TULP4: variants seen among roughly 807,000 people sequenced by gnomAD.
TULP4 encodes TUB like protein 4.
TULP4 carries 16 observed loss-of-function variants against 129.0 expected under a neutral mutation model. The ratio of observed to expected loss-of-function variants is 0.12; its 90% CI spans 0.08 to 0.19. The LOEUF (loss-of-function observed/expected upper bound fraction) is 0.19. TULP4 is among the 10% of genes least tolerant of loss of function. TULP4 has a pLI of 1.00. For missense variants in TULP4, 1,842 were observed against 2,059.1 expected (o/e 0.89, Z 2.04); for synonymous variants, 998 against 854.0 (o/e 1.17, Z -2.94).
chr6:158,472,571 T>A (rs1472725436), intron 6 of TULP4, among the ~76,000 whole-genome samples: 2 of 152,212 alleles, frequency 1.3e-5, no homozygotes, highest in African/African-American at 4.8e-5. Flanking sequence ...TCACATGTGA[T>A]CTATGCTGTG....
intron 1 of TULP4, among the ~76,000 whole-genome samples, chr6:158,293,764 G>A (rs1423887809): frequency 1.3e-5 from 2 of 152,206 alleles, no homozygotes; most frequent in Non-Finnish European, 1.5e-5. Flanking sequence ...TATCTCACTA[G>A]CACGTTTTGA....
rs747790615 is a variant in TULP4 at position 158,502,145 on chromosome 6, G to T, written c.2482G>T (p.Val828Leu). 1.6e-5 allele frequency: 26 copies of T among 1,602,658 alleles called. No homozygotes were observed. In the South Asian group the frequency reaches 2.5e-4, roughly 15 times the overall value. Residue 828 changes from valine to leucine, a missense_variant, in exon 13 of 14, where the codon GTG becomes TTG. Physicochemically the swap from Val to Leu is conservative, Grantham distance 32 (BLOSUM62 1). Coordinates refer to ENST00000367097, the MANE Select transcript of TULP4 (RefSeq NM_020245.5). ...CTTTAGTGCCCCCCAGGAGGTCCAG[G>T]TGACGAAGATAAACCCTCCACCCCC... ...VVFSAPQEVQ[V>L]TKINPPPPYP...
intron 7 of TULP4, among the ~76,000 whole-genome samples, chr6:158,480,754 G>A (rs1779922692): frequency 1.3e-5 from 2 of 152,062 alleles, no homozygotes; most frequent in African/African-American, 4.8e-5. Flanking sequence ...CAACACCGGT[G>A]TATTATATAG....
At position 158,453,485 on chromosome 6, in the gene TULP4, CAAAAAAAA is replaced by C. The variant is rs869146924; in HGVS notation, c.859+1234_859+1241del. On this transcript the variant is annotated intron_variant, in intron 5 of 13. Transcript: ENST00000367097. ...GGTGACAGAGCGAGACTCTGTCTCACAAAAAAAAAAAAAAAAAAAAAAAAGCCGGGCAC... is the reference window on the plus strand; with the variant it reads ...GGTGACAGAGCGAGACTCTGTCTCACAAAAAAAAAAAAAAAAGCCGGGCAC... 1.1e-3 allele frequency among the ~76,000 whole-genome samples: 19 copies of C among 17,978 alleles called. 1 individual carries two copies. The South Asian group carries it at 0.052, about 49-fold the overall frequency. The allele number at this position is 17,978 out of a possible 152,430, so 11.8% of individuals were successfully genotyped here. A position where few individuals can be genotyped will look rare whatever the true frequency, so the allele number is the denominator to read the frequency against.
At chr6:158,274,719 G>T (rs1244795665) in intron 1 of TULP4, among the ~76,000 whole-genome samples, 1 of 152,106 alleles carries the variant, frequency 6.6e-6, no homozygotes, top group Non-Finnish European at 1.5e-5. Flanking sequence ...GGAGCTTGCA[G>T]TGAGCCGAGA....
At chr6:158,290,682 A>G (rs1306278356) in intron 1 of TULP4, among the ~76,000 whole-genome samples, 1 of 152,180 alleles carries the variant, frequency 6.6e-6, no homozygotes, top group African/African-American at 2.4e-5. Flanking sequence ...TGCTTACCTA[A>G]GATAATTAAG....
At chr6:158,248,132 T>C (rs747354087) in intron 1 of TULP4, among the ~76,000 whole-genome samples, 9 of 152,162 alleles carry the variant, frequency 5.9e-5, no homozygotes, top group African/African-American at 1.9e-4. Flanking sequence ...GTTAACAGAT[T>C]AGAGAATGCC....
intron 1 of TULP4, among the ~76,000 whole-genome samples, chr6:158,363,080 A>AT (rs1378760137): frequency 6.6e-6 from 1 of 150,470 alleles, no homozygotes; most frequent in Non-Finnish European, 1.5e-5. Context: ...AAAAAAAAAA[A>AT]AAAAGTCACA....
At chr6:158,283,028 A>G (rs894150281) in intron 1 of TULP4, among the ~76,000 whole-genome samples, 1 of 151,800 alleles carries the variant, frequency 6.6e-6, no homozygotes, top group African/African-American at 2.4e-5. Flanking sequence ...AGTCCCAGCT[A>G]CTCAGGAGGC....
chr6:158,232,419 T>A (rs1238869409), intron 1 of TULP4: 1 of 137,604 alleles, frequency 7.3e-6, no homozygotes, highest in Non-Finnish European at 1.6e-5. Flanking sequence ...CCCCGGGGTC[T>A]GCGCGGCGGG....
chr6:158,490,018 A>G (rs376493689), intron 9 of TULP4, among the ~76,000 whole-genome samples: 1 of 152,238 alleles, frequency 6.6e-6, no homozygotes. Flanking sequence ...TCCCGGGCTT[A>G]TATGTTTTTT....
At chr6:158,463,624 A>G (rs1294778435) in intron 6 of TULP4, among the ~76,000 whole-genome samples, 1 of 150,198 alleles carries the variant, frequency 6.7e-6, no homozygotes, top group African/African-American at 2.4e-5. Flanking sequence ...GTGCACATGT[A>G]CCCTAGAACT....
intron 1 of TULP4, among the ~76,000 whole-genome samples, chr6:158,320,106 G>A (rs1779590921): frequency 6.6e-6 from 1 of 152,196 alleles, no homozygotes; most frequent in Non-Finnish European, 1.5e-5. Context: ...GATTAGCAGT[G>A]TTATGGAAGA....
intron 1 of TULP4, among the ~76,000 whole-genome samples, chr6:158,369,089 C>G (rs1777011089): frequency 6.6e-6 from 1 of 152,120 alleles, no homozygotes; most frequent in South Asian, 2.1e-4. Flanking sequence ...GATTTTCATG[C>G]AAAGGTCATG....
chr6:158,330,932 T>A (rs1779864617), intron 1 of TULP4, among the ~76,000 whole-genome samples: 1 of 152,202 alleles, frequency 6.6e-6, no homozygotes, highest in Non-Finnish European at 1.5e-5. Flanking sequence ...GTTATTAAAT[T>A]TAGATTAATC....
At chr6:158,432,627 C>G (rs1778656717) in intron 3 of TULP4, among the ~76,000 whole-genome samples, 1 of 152,204 alleles carries the variant, frequency 6.6e-6, no homozygotes, top group South Asian at 2.1e-4. Context: ...CTTTGGGAGG[C>G]CAAGGCGGGT....
At chr6:158,331,730 T>C (rs868788714) in intron 1 of TULP4, among the ~76,000 whole-genome samples, 346 of 24,642 alleles carry the variant, frequency 0.014, 89 homozygotes, top group African/African-American at 0.049. Context: ...CACACACACA[T>C]ACGTATATAT....
intron 1 of TULP4, among the ~76,000 whole-genome samples, chr6:158,321,062 T>C (rs923423204): frequency 5.9e-5 from 9 of 152,218 alleles, no homozygotes; most frequent in Non-Finnish European, 1.3e-4. Context: ...TAAAAAAATT[T>C]TCTTTAACTT....
chr6:158,472,380 A>G (rs1779706382), intron 6 of TULP4, among the ~76,000 whole-genome samples: 1 of 152,176 alleles, frequency 6.6e-6, no homozygotes, highest in Admixed American at 6.5e-5. Flanking sequence ...TTGAAGAAAG[A>G]TATCCCTACA....
Sources: allele counts gnomAD v4.1 joint callset (sites outside exome capture counted in the v4.1 genomes callset), GRCh38; gene constraint gnomAD v4.1.1; transcripts MANE v1.5; gene names NCBI Gene and HGNC (gene_info 2026-07-23, HGNC 2026-07-21).